TENM2: variants seen among roughly 807,000 people sequenced by gnomAD.
TENM2 encodes the protein teneurin transmembrane protein 2.
In TENM2, 52 loss-of-function variants were observed where a neutral mutation model predicts 245.2. That is an observed-to-expected ratio of 0.21 (90% CI 0.17 to 0.27). The LOEUF (loss-of-function observed/expected upper bound fraction) is 0.27. TENM2 is among the 10% of genes least tolerant of loss of function. The pLI is 1.00. For missense variants in TENM2, 3,046 were observed against 3,666.8 expected, an observed-to-expected ratio of 0.83 and a Z score of 4.37; for synonymous variants, 1,363 against 1,438.9, an observed-to-expected ratio of 0.95 and a Z score of 1.19.
At chr5:167,528,538 T>C (rs778152563) in intron 2 of TENM2, among the ~76,000 whole-genome samples, 3 of 152,182 alleles carry the variant, frequency 2.0e-5, no homozygotes, top group Non-Finnish European at 4.4e-5. Flanking sequence ...TAAAGTCATG[T>C]ATATAAAATT....
chr5:167,555,837 G>A (rs1441691555), intron 2 of TENM2, among the ~76,000 whole-genome samples: 1 of 149,872 alleles, frequency 6.7e-6, no homozygotes, highest in African/African-American at 2.5e-5. Flanking sequence ...GGCACCCTCT[G>A]AAATGAGCTT....
intron 5 of TENM2, among the ~76,000 whole-genome samples, chr5:168,043,173 A>G (rs984930088): frequency 1.2e-4 from 18 of 152,080 alleles, no homozygotes; most frequent in African/African-American, 4.3e-4. Context: ...TGAGGAGACC[A>G]GCATTTATTT....
intron 2 of TENM2, among the ~76,000 whole-genome samples, chr5:167,722,572 G>A (rs777318722): frequency 1.3e-5 from 2 of 152,132 alleles, no homozygotes; most frequent in South Asian, 2.1e-4. Flanking sequence ...TCAGGAGATC[G>A]AGACCATCCT....
chr5:167,518,714 A>G (rs915507266), intron 2 of TENM2, among the ~76,000 whole-genome samples: 6 of 152,174 alleles, frequency 3.9e-5, no homozygotes, highest in African/African-American at 1.4e-4. Flanking sequence ...GAGTCACATC[A>G]TGACAGTGAA....
the TENM2 span, among the ~76,000 whole-genome samples, chr5:167,118,314 T>G: frequency 6.6e-6 from 1 of 152,192 alleles, no homozygotes; most frequent in Non-Finnish European, 1.5e-5. Flanking sequence ...AGAGACGGAC[T>G]TAGAGATGAA....
At chr5:168,162,008 T>C (rs12521672) in intron 12 of TENM2, among the ~76,000 whole-genome samples, 36,546 of 151,972 alleles carry the variant, frequency 0.24, 5,181 homozygotes, top group Admixed American at 0.35. Flanking sequence ...GTGCCATAAA[T>C]ACGTTGAGTG....
chr5:167,914,858 A>T (rs1412560058), intron 3 of TENM2, among the ~76,000 whole-genome samples: 1 of 152,026 alleles, frequency 6.6e-6, no homozygotes, highest in East Asian at 1.9e-4. Flanking sequence ...CTGCATCTTT[A>T]CGTGGCTGTC....
chr5:167,178,061 T>G, the TENM2 span, among the ~76,000 whole-genome samples: 1 of 152,174 alleles, frequency 6.6e-6, no homozygotes, highest in African/African-American at 2.4e-5. Flanking sequence ...AAATGAGAAA[T>G]TATAAACATT....
At chr5:167,446,818 C>CAT (rs1765248201) in intron 2 of TENM2, among the ~76,000 whole-genome samples, 1 of 151,628 alleles carries the variant, frequency 6.6e-6, no homozygotes, top group African/African-American at 2.4e-5. Flanking sequence ...CACACACACA[C>CAT]ACACACACAG....
chr5:168,053,558 A>G (rs141076282), intron 6 of TENM2, among the ~76,000 whole-genome samples: 1 of 152,360 alleles, frequency 6.6e-6, no homozygotes, highest in Non-Finnish European at 1.5e-5. Flanking sequence ...TATTTGGAAT[A>G]ATAATAATAC....
At chr5:167,397,006 G>A (rs1762090281) in intron 2 of TENM2, among the ~76,000 whole-genome samples, 1 of 152,138 alleles carries the variant, frequency 6.6e-6, no homozygotes, top group Non-Finnish European at 1.5e-5. Flanking sequence ...CTCAATGAAG[G>A]CAGTGATAAA....
the TENM2 span, among the ~76,000 whole-genome samples, chr5:167,196,512 G>GTATATATATATGTGTGTATATATA: frequency 6.9e-6 from 1 of 144,240 alleles, no homozygotes; most frequent in African/African-American, 2.8e-5. Context: ...ATATATATGT[G>GTATATATATATGTGTGTATATATA]TGTGTATATA....
chr5:167,934,830 G>A, intron 3 of TENM2: 1 of 984,644 alleles, frequency 1.0e-6, no homozygotes, highest in Non-Finnish European at 1.2e-6. Context: ...ATCACGGGCA[G>A]CTAGCAAAGA....
At chr5:167,924,241 A>G (rs1324718053) in intron 3 of TENM2, among the ~76,000 whole-genome samples, 1 of 152,210 alleles carries the variant, frequency 6.6e-6, no homozygotes, top group Admixed American at 6.5e-5. Flanking sequence ...TCTCAGGCCC[A>G]GTTAGCTGAA....
the TENM2 span, among the ~76,000 whole-genome samples, chr5:167,207,191 G>A: frequency 6.6e-6 from 1 of 152,216 alleles, no homozygotes; most frequent in Non-Finnish European, 1.5e-5. Flanking sequence ...CTCTTGGTGA[G>A]AAATTGGCAG....
At chr5:167,619,157 G>A (rs906585320) in intron 2 of TENM2, among the ~76,000 whole-genome samples, 3 of 151,842 alleles carry the variant, frequency 2.0e-5, no homozygotes, top group Admixed American at 1.3e-4. Flanking sequence ...TTTTTGTTTT[G>A]GTTTTCTATT....
chr5:167,185,549 T>C, the TENM2 span, among the ~76,000 whole-genome samples: 1 of 152,142 alleles, frequency 6.6e-6, no homozygotes, highest in Admixed American at 6.5e-5. Flanking sequence ...GAATATAACA[T>C]ATTCTCAAAA....
At chr5:168,095,586 T>C (rs1793298406) in intron 8 of TENM2, among the ~76,000 whole-genome samples, 1 of 152,222 alleles carries the variant, frequency 6.6e-6, no homozygotes, top group Admixed American at 6.5e-5. Context: ...TTGTTTGTTT[T>C]TTTAGCTTGT....
intron 2 of TENM2, among the ~76,000 whole-genome samples, chr5:167,780,380 G>C (rs952805827): frequency 6.6e-6 from 1 of 152,158 alleles, no homozygotes; most frequent in Non-Finnish European, 1.5e-5. Flanking sequence ...GTCCCAGCTG[G>C]AGCCAAACAA....
Sources: allele counts gnomAD v4.1 joint callset (sites outside exome capture counted in the v4.1 genomes callset), GRCh38; gene constraint gnomAD v4.1.1; transcripts MANE v1.5; gene names NCBI Gene and HGNC (gene_info 2026-07-23, HGNC 2026-07-21).